The following EPHA5 variants were observed in gnomAD, a reference collection of about 807,000 sequenced individuals.
The protein encoded by EPHA5 is EPH receptor A5.
EPHA5 carries 60 observed loss-of-function variants against 105.0 expected under a neutral mutation model. The observed-to-expected ratio is 0.57, with a 90% CI of 0.46 to 0.71. The LOEUF (loss-of-function observed/expected upper bound fraction) is 0.71. EPHA5 is among the 30% of genes least tolerant of loss of function. The pLI, the probability that EPHA5 is intolerant of heterozygous loss-of-function variation, is 0.00. For synonymous variants in EPHA5, 513 were observed against 449.1 expected, an observed-to-expected ratio of 1.14 and a Z score of -1.80; for missense variants, 1,218 against 1,274.7, an observed-to-expected ratio of 0.96 and a Z score of 0.68.
chr4:65,445,851 G>T (rs1244799375), intron 5 of EPHA5, among the ~76,000 whole-genome samples: 4 of 152,112 alleles, frequency 2.6e-5, no homozygotes, highest in Admixed American at 2.0e-4. Context: ...ATCTTCTCTA[G>T]TAGTTCAAGG....
intron 8 of EPHA5, among the ~76,000 whole-genome samples, chr4:65,367,953 G>A (rs1718080320): frequency 6.6e-6 from 1 of 151,770 alleles, no homozygotes. Flanking sequence ...AACTTGCAAA[G>A]CCTCTCAGCT....
intron 5 of EPHA5, among the ~76,000 whole-genome samples, chr4:65,470,355 C>T (rs1465612624): frequency 2.0e-5 from 3 of 151,960 alleles, no homozygotes; most frequent in Non-Finnish European, 4.4e-5. Context: ...CCATGCCTGG[C>T]TAATTTCTAT....
At chr4:65,473,656 T>C (rs1729506649) in intron 5 of EPHA5, among the ~76,000 whole-genome samples, 2 of 152,082 alleles carry the variant, frequency 1.3e-5, no homozygotes, top group Non-Finnish European at 2.9e-5. Flanking sequence ...GTCTCTCCCT[T>C]GACACATGGG....
intron 3 of EPHA5, among the ~76,000 whole-genome samples, chr4:65,580,541 C>G (rs1284347938): frequency 6.6e-6 from 1 of 151,664 alleles, no homozygotes; most frequent in Non-Finnish European, 1.5e-5. Flanking sequence ...AATATTTCAC[C>G]AAAAACTATG....
chr4:65,400,326 C>T (rs577511191), intron 8 of EPHA5, among the ~76,000 whole-genome samples: 219 of 152,262 alleles, frequency 1.4e-3, no homozygotes, highest in Non-Finnish European at 2.0e-3. Flanking sequence ...AGATGATTAG[C>T]TCATAGTTTG....
chr4:65,622,749 G>T (rs561347950), intron 2 of EPHA5, among the ~76,000 whole-genome samples: 1 of 151,928 alleles, frequency 6.6e-6, no homozygotes, highest in Non-Finnish European at 1.5e-5. Context: ...CATAACTCCT[G>T]TATAAATTCT....
At chr4:65,408,215 G>T (rs1284667732) in intron 7 of EPHA5, among the ~76,000 whole-genome samples, 1 of 152,062 alleles carries the variant, frequency 6.6e-6, no homozygotes, top group Non-Finnish European at 1.5e-5. Context: ...CATGCTTGTT[G>T]GTTTGTTTAG....
At chr4:65,351,796 G>C (rs947720581) in intron 12 of EPHA5, among the ~76,000 whole-genome samples, 198 bp from the exon 13 acceptor site, 1 of 151,952 alleles carries the variant, frequency 6.6e-6, no homozygotes, top group African/African-American at 2.4e-5. Context: ...CTTGGTCAAA[G>C]CAGATAAAGG....
chr4:65,358,040 C>A lies in EPHA5; in HGVS notation c.2174-4937G>T, dbSNP rs574960392. 7.3e-5 allele frequency among the ~76,000 whole-genome samples: 11 copies of A among 151,428 alleles called. No individual in the cohort carries two copies. The South Asian group carries it at 1.2e-3, about 17-fold the overall frequency. On this transcript the variant is annotated intron_variant, in intron 11 of 16. Transcript: ENST00000613740. ...TTCTCAGAATATGATATCTGACAAGCAGCATAGACATGGCCTGGGAACTTA... is the reference window on the plus strand; with the variant it reads ...TTCTCAGAATATGATATCTGACAAGAAGCATAGACATGGCCTGGGAACTTA...
intron 3 of EPHA5, among the ~76,000 whole-genome samples, chr4:65,547,759 G>A (rs963888598): frequency 6.6e-6 from 1 of 152,072 alleles, no homozygotes; most frequent in East Asian, 1.9e-4. Context: ...CAGGGAAAGA[G>A]AGATTTGAAT....
intron 15 of EPHA5, among the ~76,000 whole-genome samples, chr4:65,333,613 CTTTTTTTTT>C (rs778146562): frequency 3.8e-5 from 3 of 79,188 alleles, no homozygotes; most frequent in Admixed American, 1.4e-4. Context: ...GCCTGCTAGT[CTTTTTTTTT>C]TTTTTTTTTT....
intron 16 of EPHA5, among the ~76,000 whole-genome samples, chr4:65,326,994 G>T (rs1234060940): frequency 6.6e-6 from 1 of 150,986 alleles, no homozygotes; most frequent in Admixed American, 6.6e-5. Context: ...TTTGTCTAAA[G>T]GATATCAAAT....
chr4:65,423,393 C>A (rs1724118869), intron 5 of EPHA5, among the ~76,000 whole-genome samples: 1 of 151,906 alleles, frequency 6.6e-6, no homozygotes, highest in Non-Finnish European at 1.5e-5. Flanking sequence ...CTATTTGTAG[C>A]CCACATTTAA....
At chr4:65,571,321 TA>T (rs55885870) in intron 3 of EPHA5, among the ~76,000 whole-genome samples, 37,200 of 140,130 alleles carry the variant, frequency 0.27, 5,003 homozygotes, top group East Asian at 0.46. Context: ...TGTTTACAAG[TA>T]AAAAAAAAAA....
intron 2 of EPHA5, among the ~76,000 whole-genome samples, chr4:65,626,084 G>C (rs1468413876): frequency 2.2e-5 from 3 of 133,878 alleles, no homozygotes; most frequent in Non-Finnish European, 3.1e-5. Flanking sequence ...CTGGGTGACA[G>C]AGCGACACTC....
intron 3 of EPHA5, among the ~76,000 whole-genome samples, chr4:65,574,731 CATATATATATACATATATATATATAT>C (rs1740706736): frequency 2.3e-5 from 2 of 85,598 alleles, no homozygotes; most frequent in East Asian, 2.8e-4. Flanking sequence ...CATATATATA[CATATATATATACATATATATATATAT>C]ACACAGTAAT....
chr4:65,669,335 A>C (rs1750248694), intron 1 of EPHA5: 1 of 941,116 alleles, frequency 1.1e-6, no homozygotes. Flanking sequence ...GCCTCTGTCC[A>C]CACGCATGTT....
chr4:65,593,117 G>T (rs1315919436), intron 3 of EPHA5, among the ~76,000 whole-genome samples: 2 of 152,024 alleles, frequency 1.3e-5, no homozygotes, highest in East Asian at 3.9e-4. Flanking sequence ...GTCTATTTAT[G>T]ATAATGGGAT....
chr4:65,554,162 A>T (rs947899352), intron 3 of EPHA5, among the ~76,000 whole-genome samples: 11 of 150,980 alleles, frequency 7.3e-5, no homozygotes, highest in East Asian at 3.9e-4. Context: ...AGGAAAAAAA[A>T]AATTGAGAAA....
Sources: allele counts gnomAD v4.1 joint callset (sites outside exome capture counted in the v4.1 genomes callset), GRCh38; gene constraint gnomAD v4.1.1; transcripts MANE v1.5; gene names NCBI Gene and HGNC (gene_info 2026-07-23, HGNC 2026-07-21).